RMST: variants seen among roughly 807,000 people sequenced by gnomAD.
The protein encoded by RMST is long intergenic non-protein coding RNA 54.
At chr12:97,514,228 C>T (rs1022783070) in intron 10 of RMST, among the ~76,000 whole-genome samples, 2 of 152,090 alleles carry the variant, frequency 1.3e-5, no homozygotes, top group Admixed American at 6.5e-5. Context: ...TCATAGCCTA[C>T]GAAAGCTCAG....
intron 5 of RMST, among the ~76,000 whole-genome samples, chr12:97,487,770 G>T (rs1433610676): frequency 2.6e-5 from 4 of 152,158 alleles, no homozygotes; most frequent in Non-Finnish European, 5.9e-5. Flanking sequence ...AAACCAGGTT[G>T]CCATGTTTAG....
chr12:97,555,182 A>T (rs1029708527), intron 11 of RMST, among the ~76,000 whole-genome samples: 4 of 152,198 alleles, frequency 2.6e-5, no homozygotes, highest in African/African-American at 9.6e-5. Context: ...ATTGCATCCA[A>T]GACTCCTTTC....
rs1037398833 is a variant in RMST, at chr12:97,510,556, G to C, written n.1340+14500G>C. On this transcript the variant is annotated intron_variant and non_coding_transcript_variant, in intron 10 of 13. Transcript: ENST00000640149. ...TGTGTTCATAATGCTATTATTCAAA[G>C]AGGTGATTATCCAGTTCCTCACAGT... 2.0e-5 allele frequency among the ~76,000 whole-genome samples: 3 copies of C among 152,198 alleles called. No homozygotes were observed. The East Asian group carries it at 5.8e-4, about 29-fold the overall frequency.
chr12:97,489,920 A>T (rs1346829053), intron 5 of RMST, among the ~76,000 whole-genome samples: 1 of 152,204 alleles, frequency 6.6e-6, no homozygotes, highest in Non-Finnish European at 1.5e-5. Context: ...AGGAAATAAA[A>T]CAACTTGTCT....
chr12:97,534,618 T>C (rs971832649), intron 11 of RMST, among the ~76,000 whole-genome samples: 17 of 151,738 alleles, frequency 1.1e-4, no homozygotes, highest in Admixed American at 6.6e-4. Context: ...GATTATACTT[T>C]GCTAAATCCC....
At chr12:97,541,051 C>T (rs1170495408) in intron 11 of RMST, among the ~76,000 whole-genome samples, 2 of 151,108 alleles carry the variant, frequency 1.3e-5, no homozygotes, top group South Asian at 4.2e-4. Flanking sequence ...ACACATATAT[C>T]ATTTATGTAA....
At chr12:97,476,574 T>G (rs1874574423) in intron 5 of RMST, among the ~76,000 whole-genome samples, 1 of 152,226 alleles carries the variant, frequency 6.6e-6, no homozygotes, top group Admixed American at 6.5e-5. Flanking sequence ...ATAGGCTTAG[T>G]GCTATCAAGG....
intron 10 of RMST, among the ~76,000 whole-genome samples, chr12:97,497,596 T>C (rs1877581705): frequency 6.6e-6 from 1 of 152,164 alleles, no homozygotes; most frequent in Admixed American, 6.5e-5. Flanking sequence ...CTTACGTTTG[T>C]TTAGTGCTTT....
At chr12:97,505,972 C>T (rs961454506) in intron 10 of RMST, among the ~76,000 whole-genome samples, 19 of 152,206 alleles carry the variant, frequency 1.2e-4, no homozygotes, top group African/African-American at 3.1e-4. Flanking sequence ...CAGGTGTGAA[C>T]ATTTAAAATA....
intron 10 of RMST, among the ~76,000 whole-genome samples, chr12:97,510,973 T>C (rs1266579720): frequency 1.3e-5 from 2 of 152,164 alleles, no homozygotes; most frequent in South Asian, 4.1e-4. Flanking sequence ...TTTTATTGTT[T>C]TTCACTTCAT....
chr12:97,556,356 T>A (rs1002165430), intron 11 of RMST, among the ~76,000 whole-genome samples: 2 of 152,090 alleles, frequency 1.3e-5, no homozygotes, highest in African/African-American at 2.4e-5. Context: ...AGGAAGGGAG[T>A]CAGCCAAGTG....
chr12:97,529,887 G>C (rs530220062), intron 10 of RMST, among the ~76,000 whole-genome samples: 1 of 152,020 alleles, frequency 6.6e-6, no homozygotes. Flanking sequence ...AAATGTAATT[G>C]TATCTTCCCC....
At chr12:97,469,349 C>T (rs903153928) in intron 5 of RMST, among the ~76,000 whole-genome samples, 1 of 151,734 alleles carries the variant, frequency 6.6e-6, no homozygotes, top group African/African-American at 2.4e-5. Flanking sequence ...ATCCCATTTT[C>T]CTTATTATTC....
intron 5 of RMST, among the ~76,000 whole-genome samples, chr12:97,467,512 G>A (rs1249184302): frequency 6.6e-6 from 1 of 151,884 alleles, no homozygotes; most frequent in Non-Finnish European, 1.5e-5. Flanking sequence ...ATATAATATT[G>A]CTGAATTAAC....
Position 97,547,494 on chromosome 12 carries a change from A to ATAT in RMST, n.1546-13042_1546-13040dup, listed in dbSNP as rs1372094804. ...ACTGTTTTCCATAATGGCTATACTAATATACATTCTAACCAATGGTGTGAG... is the reference window on the plus strand; with the variant it reads ...ACTGTTTTCCATAATGGCTATACTAATATTATACATTCTAACCAATGGTGTGAG... On this transcript the variant is annotated intron_variant and non_coding_transcript_variant, in intron 11 of 13. Transcript: ENST00000640149. Among the ~76,000 whole-genome samples, 5 of 152,206 alleles carry ATAT rather than the reference A, an allele frequency of 3.3e-5. No homozygotes were observed. The East Asian group carries it at 9.7e-4, about 29-fold the overall frequency.
intron 10 of RMST, among the ~76,000 whole-genome samples, chr12:97,524,283 T>C (rs1230887224): frequency 6.6e-6 from 1 of 151,900 alleles, no homozygotes; most frequent in East Asian, 1.9e-4. Context: ...TGAATCAAAA[T>C]CTGCATTTTA....
At chr12:97,477,935 GA>G (rs1361370857) in intron 5 of RMST, among the ~76,000 whole-genome samples, 5 of 152,204 alleles carry the variant, frequency 3.3e-5, no homozygotes, top group Non-Finnish European at 4.4e-5. Context: ...GTGTGGTAAA[GA>G]AATCCGTAGA....
intron 10 of RMST, among the ~76,000 whole-genome samples, chr12:97,528,152 T>C (rs1284844609): frequency 6.6e-6 from 1 of 152,142 alleles, no homozygotes; most frequent in Non-Finnish European, 1.5e-5. Context: ...AAAGCAAACT[T>C]TTGTAAAAGA....
intron 11 of RMST, among the ~76,000 whole-genome samples, chr12:97,544,759 T>TAATTG (rs1882811129): frequency 6.6e-6 from 1 of 152,092 alleles, no homozygotes; most frequent in African/African-American, 2.4e-5. Context: ...CTTTTTCTCC[T>TAATTG]GAATTAATCA....
Sources: allele counts gnomAD v4.1 joint callset (sites outside exome capture counted in the v4.1 genomes callset), GRCh38; gene constraint gnomAD v4.1.1; transcripts MANE v1.5; gene names NCBI Gene and HGNC (gene_info 2026-07-23, HGNC 2026-07-21).